PCDHGA7: variants seen among roughly 807,000 people sequenced by gnomAD.
The protein encoded by PCDHGA7 is protocadherin gamma-A7.
A neutral mutation model predicts 58.3 loss-of-function variants in PCDHGA7; 44 were observed. The ratio of observed to expected loss-of-function variants is 0.75; its 90% CI spans 0.59 to 0.97. The LOEUF is 0.97. PCDHGA7 is among the 50% of genes least tolerant of loss of function. The pLI is 0.00. For synonymous variants in PCDHGA7, 516 were observed against 504.2 expected (o/e 1.02, Z -0.31); for missense variants, 1,266 against 1,188.7 (o/e 1.06, Z -0.96).
intron 1 of PCDHGA7, chr5:141,399,718 C>G (rs770212703): frequency 6.2e-7 from 1 of 1,613,308 alleles, no homozygotes; most frequent in Non-Finnish European, 8.5e-7. Context: ...ACTACAGGCC[C>G]GCGACCAGGG....
At chr5:141,449,022 A>G (rs2154562454) in intron 1 of PCDHGA7, among the ~76,000 whole-genome samples, 1 of 152,312 alleles carries the variant, frequency 6.6e-6, no homozygotes, top group Admixed American at 6.5e-5. Context: ...GTTGCTTAGC[A>G]TTCCTTTGGA....
intron 3 of PCDHGA7, among the ~76,000 whole-genome samples, chr5:141,509,504 C>T (rs534951697): frequency 4.7e-4 from 72 of 152,246 alleles, no homozygotes; most frequent in Non-Finnish European, 8.4e-4. Flanking sequence ...CTGGATGTGA[C>T]GGTGTTGATG....
chr5:141,478,767 C>T (rs953695562), intron 1 of PCDHGA7: 44 of 1,500,650 alleles, frequency 2.9e-5, no homozygotes, highest in Non-Finnish European at 3.9e-5. Context: ...ATACTTGACT[C>T]ATCTGTGGAC....
chr5:141,505,592 A>T, intron 3 of PCDHGA7, 111 bp downstream of exon 3: 2 of 1,567,266 alleles, frequency 1.3e-6, no homozygotes, highest in Admixed American at 3.6e-5. Flanking sequence ...GTTTCTCCAG[A>T]TCTTTCGGCA....
At position 141,422,706 on chromosome 5, in the gene PCDHGA7, G is replaced by A. The variant is rs758922274; in HGVS notation, c.2424+37383G>A. On this transcript the variant is annotated intron_variant, in intron 1 of 3. Transcript: ENST00000518325. ...ATGCCCTGGTCACTTACTCTCTGAC[G>A]GATGACACTGTCCAGGGGGTGCCTC... The A allele has an allele frequency of 8.1e-6, 13 of 1,602,906 alleles. No homozygotes were observed. In the South Asian group the frequency reaches 1.5e-4, roughly 18 times the overall value.
intron 1 of PCDHGA7, chr5:141,392,833 GC>G (rs922844407): frequency 1.2e-6 from 2 of 1,604,258 alleles, no homozygotes; most frequent in Non-Finnish European, 1.7e-6. Context: ...CCACAGAGTC[GC>G]CCCAGACGCG....
At position 141,486,055 on chromosome 5, in the gene PCDHGA7, C is replaced by T; in HGVS notation, c.2425-8752C>T. 6.2e-7 allele frequency: 1 copy of T among 1,614,170 alleles called. No individual in the cohort carries two copies. ...CTGATCGTGTAAGAAACCTCTTTAG[C>T]CTGCACCCCACTACTGGAAAGCTTA... On this transcript the variant is annotated intron_variant, in intron 1 of 3. Transcript: ENST00000518325. The surrounding 1 kb of genome is among the most constrained non-coding windows in gnomAD (Gnocchi z 5.0).
intron 2 of PCDHGA7, among the ~76,000 whole-genome samples, chr5:141,500,231 C>T (rs992215482): frequency 1.4e-5 from 2 of 138,098 alleles, no homozygotes; most frequent in East Asian, 4.1e-4. Context: ...TTTATTGATA[C>T]GTAGCCTTGC....
rs2095830931 is a variant in PCDHGA7 at position 141,415,116 on chromosome 5, A to G, written c.2424+29793A>G. 3 of 1,613,652 alleles carry G rather than the reference A, an allele frequency of 1.9e-6. No individual in the cohort carries two copies. The East Asian group carries it at 6.7e-5, about 36-fold the overall frequency. On this transcript the variant is annotated intron_variant, in intron 1 of 3. Transcript: ENST00000518325. The stretch of plus-strand genomic sequence containing the variant: ...GAGACGCGCTCAAGCAAAGCCTCGT[A>G]GTGGCCGTCCAGGACCACGGCCAGC...
intron 2 of PCDHGA7, among the ~76,000 whole-genome samples, chr5:141,503,166 A>T (rs1246987375): frequency 1.3e-5 from 2 of 151,884 alleles, no homozygotes; most frequent in Admixed American, 1.3e-4. Context: ...CACAATTGCA[A>T]TTACTCTATT....
intron 1 of PCDHGA7, among the ~76,000 whole-genome samples, chr5:141,465,396 C>A (rs2099102528): frequency 6.6e-6 from 1 of 152,054 alleles, no homozygotes; most frequent in Admixed American, 6.6e-5. Context: ...AAAAACAAGT[C>A]AGAAGAAGCC....
intron 1 of PCDHGA7, among the ~76,000 whole-genome samples, chr5:141,475,504 T>C (rs1202550150): frequency 1.3e-5 from 2 of 152,254 alleles, no homozygotes; most frequent in Non-Finnish European, 2.9e-5. Flanking sequence ...AAATTATTAA[T>C]GTCTCCACGG....
chr5:141,409,572 A>G (rs1440637025), intron 1 of PCDHGA7: 2 of 1,613,920 alleles, frequency 1.2e-6, no homozygotes, highest in South Asian at 1.1e-5. Context: ...CAGACGTCCT[A>G]CGTGGTCCAC....
chr5:141,455,860 ATTAT>A (rs145569377), intron 1 of PCDHGA7, among the ~76,000 whole-genome samples: 54,169 of 139,612 alleles, frequency 0.39, 10,686 homozygotes, highest in Admixed American at 0.44. Context: ...AATTTCTTTT[ATTAT>A]TTATTTATTT....
At chr5:141,420,094 G>A in intron 1 of PCDHGA7, 7 of 1,614,058 alleles carry the variant, frequency 4.3e-6, no homozygotes, top group Non-Finnish European at 5.9e-6. Flanking sequence ...ACTACAGTGA[G>A]GGAACGTTGC....
At chr5:141,451,653 G>A (rs1440576814) in intron 1 of PCDHGA7, among the ~76,000 whole-genome samples, 2 of 152,166 alleles carry the variant, frequency 1.3e-5, no homozygotes, top group Non-Finnish European at 2.9e-5. Context: ...AGGCCAAGGA[G>A]GGTGGACTGC....
intron 1 of PCDHGA7, chr5:141,427,787 C>A (rs2097070880): frequency 6.8e-7 from 1 of 1,478,064 alleles, no homozygotes; most frequent in Non-Finnish European, 9.4e-7. Context: ...CACTGTCGTC[C>A]TACGTGTCCG....
At chr5:141,414,288 C>T (rs368826232) in intron 1 of PCDHGA7, 40 of 1,613,502 alleles carry the variant, frequency 2.5e-5, no homozygotes, top group South Asian at 4.4e-5. Context: ...CAGTCGTAGC[C>T]CTTTTAAATG....
At chr5:141,406,431 T>G (rs1316370664) in intron 1 of PCDHGA7, among the ~76,000 whole-genome samples, 3 of 152,352 alleles carry the variant, frequency 2.0e-5, no homozygotes, top group Non-Finnish European at 4.4e-5. Context: ...ATTTATTGCT[T>G]CTATTCTTCC....
Sources: gnomAD v4.1 joint callset for allele counts (sites outside exome capture counted in the v4.1 genomes callset) on GRCh38, gnomAD v4.1.1 for gene constraint, Gnocchi (gnomAD v3.1) non-coding constraint, MANE v1.5 for transcripts, NCBI Gene and HGNC (gene_info 2026-07-23, HGNC 2026-07-21) for gene names.